SGK3: variants seen among roughly 807,000 people sequenced by gnomAD.
SGK3 encodes the protein serine/threonine-protein kinase Sgk3.
SGK3 carries 47 observed loss-of-function variants against 68.5 expected under a neutral mutation model. The ratio of observed to expected loss-of-function variants is 0.69; its 90% CI spans 0.54 to 0.87. The LOEUF is 0.87. Ranked by LOEUF, SGK3 falls within the 40% of genes least tolerant of loss-of-function variation. The pLI is 0.00. For synonymous variants in SGK3, 181 were observed against 189.1 expected (o/e 0.96, Z 0.35); for missense variants, 479 against 575.5 (o/e 0.83, Z 1.72).
At chr8:66,830,746 C>G (rs1046451088) in intron 7 of SGK3, among the ~76,000 whole-genome samples, 1 of 152,154 alleles carries the variant, frequency 6.6e-6, no homozygotes, top group Non-Finnish European at 1.5e-5. Context: ...TTATATGAAA[C>G]ACTGTAATGA....
At chr8:66,774,633 A>T (rs897574942) in intron 1 of SGK3, among the ~76,000 whole-genome samples, 26 of 152,090 alleles carry the variant, frequency 1.7e-4, no homozygotes, top group African/African-American at 6.3e-4. Context: ...CTCTCTCGTG[A>T]TGCGCCTGAG....
At chr8:66,799,736 C>G (rs1379911698) in intron 3 of SGK3, among the ~76,000 whole-genome samples, 2 of 152,184 alleles carry the variant, frequency 1.3e-5, no homozygotes, top group Non-Finnish European at 2.9e-5. Context: ...ATTCTCGTGC[C>G]TCAGTCTCTC....
intron 1 of SGK3, among the ~76,000 whole-genome samples, chr8:66,721,717 G>A (rs1352012087): frequency 6.6e-6 from 1 of 150,560 alleles, no homozygotes; most frequent in East Asian, 1.9e-4. Flanking sequence ...CATTGCAACA[G>A]CATTGTTTTG....
At chr8:66,779,643 A>G (rs1195917851) in intron 1 of SGK3, among the ~76,000 whole-genome samples, 1 of 144,988 alleles carries the variant, frequency 6.9e-6, no homozygotes. Context: ...ACATATACAC[A>G]TATATACATT....
At chr8:66,827,905 C>A (rs572424540) in intron 6 of SGK3, among the ~76,000 whole-genome samples, 1 of 152,060 alleles carries the variant, frequency 6.6e-6, no homozygotes, top group African/African-American at 2.4e-5. Context: ...AGGCAGATCA[C>A]GAAGTCAGGA....
At chr8:66,802,777 G>T (rs549799593) in intron 3 of SGK3, among the ~76,000 whole-genome samples, 2 of 150,854 alleles carry the variant, frequency 1.3e-5, no homozygotes, top group African/African-American at 4.9e-5. Context: ...AGGAAGGAAG[G>T]TTAATTATCA....
chr8:66,773,861 A>AT (rs1250400564), intron 1 of SGK3, among the ~76,000 whole-genome samples: 2 of 152,086 alleles, frequency 1.3e-5, no homozygotes, highest in Non-Finnish European at 2.9e-5. Context: ...TTTCCATTTA[A>AT]TTTTTTCAGA....
intron 1 of SGK3, among the ~76,000 whole-genome samples, chr8:66,720,381 C>T (rs1196188886): frequency 6.6e-6 from 1 of 152,142 alleles, no homozygotes; most frequent in African/African-American, 2.4e-5. Context: ...GCCCGTAACC[C>T]CAGCACTTTT....
chr8:66,781,272 C>T (rs977430589), intron 1 of SGK3, among the ~76,000 whole-genome samples: 3 of 152,170 alleles, frequency 2.0e-5, no homozygotes, highest in Non-Finnish European at 2.9e-5. Flanking sequence ...CTCTACCAGT[C>T]GGTTCTGGAC....
At chr8:66,714,579 T>C (rs898356862) in intron 1 of SGK3, among the ~76,000 whole-genome samples, 1 of 152,214 alleles carries the variant, frequency 6.6e-6, no homozygotes, top group African/African-American at 2.4e-5. Context: ...CCTTATTTAA[T>C]AGGATTATGA....
At position 66,828,656 on chromosome 8, in the gene SGK3, A is replaced by G. The variant is rs1809167080; in HGVS notation, c.420A>G (p.Leu140=). ...EDEDERSSQK[L]HSTSQNINLG... The stretch of plus-strand genomic sequence containing the variant: ...TTTTTCTTTCCCCACCTTCACAGCT[A>G]CACTCTACCTCACAGAACATCAACC... Residue 140 remains leucine (L), a splice_region_variant and synonymous_variant, in exon 7 of 17, where the codon CTA becomes CTG. Coordinates refer to ENST00000521198, the MANE Select transcript of SGK3 (RefSeq NM_001033578.3). 6.2e-7 allele frequency: 1 copy of G among 1,613,882 alleles called. No individual in the cohort carries two copies. The highest frequency in any genetic ancestry group is 1.3e-5 in the African/African-American group (1 of 74,924).
chr8:66,748,933 T>G (rs1003714708), intron 1 of SGK3, among the ~76,000 whole-genome samples: 11 of 152,068 alleles, frequency 7.2e-5, no homozygotes, highest in Non-Finnish European at 1.3e-4. Flanking sequence ...CTCTCTCTGT[T>G]GCCCAGGCTG....
At chr8:66,848,562 G>GC (rs1810132703) in intron 15 of SGK3, among the ~76,000 whole-genome samples, 1 of 152,106 alleles carries the variant, frequency 6.6e-6, no homozygotes, top group Non-Finnish European at 1.5e-5. Context: ...ATATACACTT[G>GC]CAGGATCCTG....
At chr8:66,768,613 G>A (rs1009994843) in intron 1 of SGK3, among the ~76,000 whole-genome samples, 1 of 152,002 alleles carries the variant, frequency 6.6e-6, no homozygotes, top group Admixed American at 6.6e-5. Flanking sequence ...CACCCAGTCT[G>A]GAGTGCAGTG....
chr8:66,792,872 C>A (rs1355969457), intron 1 of SGK3, among the ~76,000 whole-genome samples: 1 of 152,144 alleles, frequency 6.6e-6, no homozygotes, highest in African/African-American at 2.4e-5. Flanking sequence ...CTGTGAATAG[C>A]CACTGCATTC....
chr8:66,835,605 G>T (rs908763911), intron 8 of SGK3, among the ~76,000 whole-genome samples, 158 bp from the exon 9 acceptor site: 1 of 152,104 alleles, frequency 6.6e-6, no homozygotes, highest in Admixed American at 6.5e-5. Flanking sequence ...CAAAGAAAAG[G>T]TGCCTGATTA....
chr8:66,852,557 G>A (rs906140558), intron 16 of SGK3, among the ~76,000 whole-genome samples: 6 of 152,108 alleles, frequency 3.9e-5, no homozygotes, highest in South Asian at 2.1e-4. Context: ...GGGATTACAC[G>A]CATGAGCTAC....
intron 1 of SGK3, among the ~76,000 whole-genome samples, chr8:66,738,413 T>A (rs76541372): frequency 0.015 from 2,360 of 152,300 alleles, 71 homozygotes; most frequent in African/African-American, 0.054. Flanking sequence ...TATGCATAAA[T>A]ACCATCTTCA....
chr8:66,738,616 G>C (rs1276672334), intron 1 of SGK3, among the ~76,000 whole-genome samples: 1 of 151,076 alleles, frequency 6.6e-6, no homozygotes, highest in Middle Eastern at 3.4e-3. Context: ...GGCAGAACTG[G>C]CTCAAGATCC....
Sources: gnomAD v4.1 joint callset for allele counts (sites outside exome capture counted in the v4.1 genomes callset) on GRCh38, gnomAD v4.1.1 for gene constraint, MANE v1.5 for transcripts, NCBI Gene and HGNC (gene_info 2026-07-23, HGNC 2026-07-21) for gene names.